The following NECAB1 variants were observed in gnomAD, a reference collection of about 807,000 sequenced individuals.
NECAB1 encodes N-terminal EF-hand calcium binding protein 1, also known as N-terminal EF-hand calcium-binding protein 1.
Under a neutral mutation model 57.5 loss-of-function variants are expected in NECAB1, and 29 were observed. That is an observed-to-expected ratio of 0.50 (90% CI 0.38 to 0.69). NECAB1 has a LOEUF of 0.69. Ranked by LOEUF, NECAB1 falls within the 30% of genes least tolerant of loss-of-function variation. The pLI is 0.00. For missense variants in NECAB1, 372 were observed against 413.8 expected, an observed-to-expected ratio of 0.90 and a Z score of 0.88; for synonymous variants, 142 against 147.7, an observed-to-expected ratio of 0.96 and a Z score of 0.28.
rs190041865 is a variant in NECAB1 at position 90,942,298 on chromosome 8, T to C, written c.860+1400T>C. On this transcript the variant is annotated intron_variant, in intron 10 of 12. Transcript: ENST00000417640. ...CTGAAGACGTGAGCTGAAGTCACTATTGCGTTTACTACTGTTTCCTGGTTG... is the reference window on the plus strand; with the variant it reads ...CTGAAGACGTGAGCTGAAGTCACTACTGCGTTTACTACTGTTTCCTGGTTG... Among the ~76,000 whole-genome samples, 21 of 152,296 alleles carry C rather than the reference T, an allele frequency of 1.4e-4. No homozygotes were observed. In the East Asian group the frequency reaches 3.9e-3, roughly 28 times the overall value.
At chr8:90,950,023 T>A (rs999457536) in intron 11 of NECAB1, 139 bp downstream of exon 11, 1 of 525,660 alleles carries the variant, frequency 1.9e-6, no homozygotes, top group Admixed American at 3.5e-5. Flanking sequence ...TACCATGAAT[T>A]CTACACACTT....
At chr8:90,812,566 AAC>A (rs1174253911) in intron 2 of NECAB1, 1 of 152,226 alleles carries the variant, frequency 6.6e-6, no homozygotes, top group East Asian at 1.9e-4. Context: ...ATTTTGATGT[AAC>A]AAATGAGCCT....
chr8:90,922,016 T>C (rs983415627), intron 6 of NECAB1, among the ~76,000 whole-genome samples: 3 of 152,266 alleles, frequency 2.0e-5, no homozygotes, highest in Non-Finnish European at 4.4e-5. Context: ...TCAGATGGCA[T>C]GCTACAACAC....
chr8:90,803,058 G>A (rs1450691697), intron 2 of NECAB1, among the ~76,000 whole-genome samples: 20 of 151,868 alleles, frequency 1.3e-4, no homozygotes, highest in East Asian at 7.7e-4. Context: ...CATCACACCC[G>A]GCTAATTTTT....
chr8:90,917,843 T>TAG (rs1216166283), intron 6 of NECAB1, among the ~76,000 whole-genome samples: 2 of 72,616 alleles, frequency 2.8e-5, no homozygotes, highest in Non-Finnish European at 4.3e-5. Flanking sequence ...TAGTAAACTA[T>TAG]ATATATATAT....
In NECAB1 at chr8:90,849,483, C is replaced by CTTT. The variant is rs5893138; in HGVS notation, c.234-22629_234-22627dup. Among the ~76,000 whole-genome samples the CTTT allele has an allele frequency of 1.3e-3, 144 of 113,408 alleles. 1 individual carries two copies. Among genetic ancestry groups the CTTT allele is most frequent in the South Asian group, 3.2e-3 (10 of 3,162 alleles). The allele number at this position is 113,408 out of a possible 152,430, so 74.4% of individuals were successfully genotyped here. A position where few individuals can be genotyped will look rare whatever the true frequency, so the allele number is the denominator to read the frequency against. On this transcript the variant is annotated intron_variant, in intron 3 of 12. Coordinates refer to ENST00000417640, the MANE Select transcript of NECAB1 (RefSeq NM_022351.5). ...AACCCTATCTCAAAAAAGAAAAATG[C>CTTT]TTTTTTTTTTTTTTTTTTCTGTTTT...
intron 10 of NECAB1, among the ~76,000 whole-genome samples, chr8:90,942,740 G>T (rs931538346): frequency 3.3e-5 from 5 of 152,096 alleles, no homozygotes; most frequent in African/African-American, 4.8e-5. Flanking sequence ...AAATTAGCTG[G>T]GCATGGTAGC....
chr8:90,922,685 G>T (rs1810152574), intron 6 of NECAB1, among the ~76,000 whole-genome samples: 1 of 151,678 alleles, frequency 6.6e-6, no homozygotes, highest in Non-Finnish European at 1.5e-5. Flanking sequence ...TAGAGACGGG[G>T]TTTCACCATG....
At chr8:90,898,865 C>A (rs1404515449) in intron 5 of NECAB1, among the ~76,000 whole-genome samples, 2 of 152,174 alleles carry the variant, frequency 1.3e-5, no homozygotes, top group African/African-American at 4.8e-5. Context: ...TTGTCTCATC[C>A]CAACTGAGAT....
At chr8:90,802,425 C>T (rs1317358120) in intron 2 of NECAB1, among the ~76,000 whole-genome samples, 4 of 152,194 alleles carry the variant, frequency 2.6e-5, no homozygotes, top group African/African-American at 9.7e-5. Context: ...TCCCAGAGAA[C>T]ACCAAATAAA....
At position 90,829,120 on chromosome 8, in the gene NECAB1, G is replaced by A. The variant is rs76315443; in HGVS notation, c.233+4295G>A. The stretch of plus-strand genomic sequence containing the variant: ...CTCATTAAAGATGTTTTAAACTCAC[G>A]TTTTTCTCAACTTTTATAAAGTTAC... On this transcript the variant is annotated intron_variant, in intron 3 of 12. Transcript: ENST00000417640. 3.6e-4 allele frequency among the ~76,000 whole-genome samples: 55 copies of A among 151,936 alleles called. No homozygotes were observed. The East Asian group carries it at 8.3e-3, about 23-fold the overall frequency.
intron 8 of NECAB1, among the ~76,000 whole-genome samples, chr8:90,931,898 C>T (rs1810415496): frequency 1.3e-5 from 2 of 150,720 alleles, no homozygotes; most frequent in Admixed American, 1.3e-4. Context: ...AGTAAAACTC[C>T]ATCTCAAAAA....
intron 7 of NECAB1, among the ~76,000 whole-genome samples, chr8:90,926,141 G>A (rs1810264138): frequency 6.6e-6 from 1 of 152,082 alleles, no homozygotes; most frequent in Non-Finnish European, 1.5e-5. Context: ...TAATTGTTAG[G>A]TTATTAAATT....
intron 2 of NECAB1, among the ~76,000 whole-genome samples, chr8:90,814,491 T>C (rs1812024830): frequency 6.6e-6 from 1 of 152,206 alleles, no homozygotes; most frequent in African/African-American, 2.4e-5. Flanking sequence ...CCATGAATTA[T>C]TTAGAACCCT....
chr8:90,862,897 A>C (rs2129815706), intron 3 of NECAB1, among the ~76,000 whole-genome samples: 1 of 152,258 alleles, frequency 6.6e-6, no homozygotes, highest in East Asian at 1.9e-4. Flanking sequence ...ATAGATCCCA[A>C]GTGTTTTGTT....
intron 5 of NECAB1, among the ~76,000 whole-genome samples, chr8:90,908,643 A>G (rs1809753460): frequency 6.6e-6 from 1 of 152,142 alleles, no homozygotes; most frequent in African/African-American, 2.4e-5. Flanking sequence ...TTTTTATTGT[A>G]AAACAAAACA....
chr8:90,818,488 TTTGAAGAGATTA>T (rs1253692534), intron 2 of NECAB1, among the ~76,000 whole-genome samples: 3 of 152,024 alleles, frequency 2.0e-5, no homozygotes, highest in African/African-American at 7.2e-5. Context: ...CACCATTACC[TTTGAAGAGATTA>T]TCTAGATTGT....
At chr8:90,820,021 T>C (rs1406547617) in intron 2 of NECAB1, among the ~76,000 whole-genome samples, 1 of 151,864 alleles carries the variant, frequency 6.6e-6, no homozygotes, top group African/African-American at 2.4e-5. Context: ...CCCCCAGCAG[T>C]TTCTCCCTCT....
At chr8:90,923,573 A>G (rs1011071319) in intron 6 of NECAB1, among the ~76,000 whole-genome samples, 2 of 152,244 alleles carry the variant, frequency 1.3e-5, no homozygotes, top group Admixed American at 1.3e-4. Flanking sequence ...TCCTCCTTCT[A>G]AAATGTATGG....
Sources: allele counts gnomAD v4.1 joint callset (sites outside exome capture counted in the v4.1 genomes callset), GRCh38; gene constraint gnomAD v4.1.1; transcripts MANE v1.5; gene names NCBI Gene and HGNC (gene_info 2026-07-23, HGNC 2026-07-21).